TENM2: variants seen among roughly 807,000 people sequenced by gnomAD.
The protein encoded by TENM2 is teneurin-2.
Under a neutral mutation model 245.2 loss-of-function variants are expected in TENM2, and 52 were observed. That is an observed-to-expected ratio of 0.21 (90% CI 0.17 to 0.27). The LOEUF (loss-of-function observed/expected upper bound fraction) is 0.27. Among genes scored for constraint, TENM2 ranks in the 10% least tolerant of loss-of-function variants. TENM2 has a pLI of 1.00. For synonymous variants in TENM2, 1,363 were observed against 1,438.9 expected, an observed-to-expected ratio of 0.95 and a Z score of 1.19; for missense variants, 3,046 against 3,666.8, an observed-to-expected ratio of 0.83 and a Z score of 4.37.
chr5:167,809,460 A>G (rs1766468741), intron 2 of TENM2, among the ~76,000 whole-genome samples: 1 of 152,188 alleles, frequency 6.6e-6, no homozygotes, highest in African/African-American at 2.4e-5. Context: ...GTGAGAAGGT[A>G]GAGGGAATTC....
chr5:167,985,656 A>G (rs1024402482), intron 4 of TENM2, among the ~76,000 whole-genome samples: 2 of 152,090 alleles, frequency 1.3e-5, no homozygotes, highest in African/African-American at 4.8e-5. Context: ...AGGCAGCACA[A>G]TTATTTGTAT....
the TENM2 span, among the ~76,000 whole-genome samples, chr5:167,103,134 C>G: frequency 2.0e-5 from 3 of 152,162 alleles, no homozygotes; most frequent in South Asian, 6.2e-4. Context: ...AGTCAAAGAC[C>G]TTGTTCAAGT....
intron 25 of TENM2, among the ~76,000 whole-genome samples, chr5:168,235,955 A>G (rs901656861): frequency 3.9e-5 from 6 of 152,198 alleles, no homozygotes; most frequent in African/African-American, 1.2e-4. Flanking sequence ...TTTCCCAGGC[A>G]TGGAGTTGGG....
intron 2 of TENM2, among the ~76,000 whole-genome samples, chr5:167,552,607 C>T (rs1773024366): frequency 6.6e-6 from 1 of 152,182 alleles, no homozygotes; most frequent in South Asian, 2.1e-4. Flanking sequence ...ATGCTAATTA[C>T]CACTGGAGGC....
Position 167,964,063 on chromosome 5 carries a change from T to A in TENM2, c.947+11241T>A, listed in dbSNP as rs560939450. ...TAAGTAGTGTGTTACAGAATCCCTC[T>A]ACCCTCCACCTTCCTCCCAGCCTAT... On this transcript the variant is annotated intron_variant, in intron 4 of 28. Transcript: ENST00000518659. Among the ~76,000 whole-genome samples, 6 of 152,332 alleles carry A rather than the reference T, an allele frequency of 3.9e-5. No homozygotes were observed. The South Asian group carries it at 1.0e-3, about 26-fold the overall frequency.
chr5:167,703,012 CCTCT>C (rs1246861678), intron 2 of TENM2, among the ~76,000 whole-genome samples: 1 of 152,162 alleles, frequency 6.6e-6, no homozygotes, highest in Non-Finnish European at 1.5e-5. Flanking sequence ...AACCTCTCTC[CCTCT>C]GTCTCCCTCT....
At chr5:167,810,637 A>C (rs1434922483) in intron 2 of TENM2, among the ~76,000 whole-genome samples, 1 of 151,898 alleles carries the variant, frequency 6.6e-6, no homozygotes, top group Non-Finnish European at 1.5e-5. Context: ...AAAAAAGAAA[A>C]CTCTAATTAA....
At chr5:167,468,917 T>G (rs1766836898) in intron 2 of TENM2, among the ~76,000 whole-genome samples, 1 of 152,202 alleles carries the variant, frequency 6.6e-6, no homozygotes. Context: ...TCTATTGTAC[T>G]CAATTGAAGG....
intron 2 of TENM2, among the ~76,000 whole-genome samples, chr5:167,672,011 T>C (rs1431493883): frequency 6.6e-6 from 1 of 152,040 alleles, no homozygotes; most frequent in African/African-American, 2.4e-5. Context: ...CCTGTGAAAC[T>C]AGTGCTTGCA....
chr5:168,085,722 T>C (rs1384840743), intron 7 of TENM2, among the ~76,000 whole-genome samples: 2 of 152,174 alleles, frequency 1.3e-5, no homozygotes, highest in Non-Finnish European at 2.9e-5. Context: ...CAGAAAGAAA[T>C]GAACAGGCCC....
the TENM2 span, among the ~76,000 whole-genome samples, chr5:167,272,749 A>G: frequency 6.6e-6 from 1 of 152,136 alleles, no homozygotes; most frequent in Admixed American, 6.6e-5. Context: ...CTTTCTTGAT[A>G]CCATACATCC....
exon 29 of TENM2, chr5:168,262,653 G>C: frequency 6.2e-7 from 1 of 1,604,686 alleles, no homozygotes; most frequent in Non-Finnish European, 8.5e-7. Flanking sequence ...GAGGGGAGCC[G>C]CCTGTGGACT....
At chr5:168,262,025 T>C (rs1389404439) in intron 28 of TENM2, 24 bp from the exon 31 acceptor site, 1 of 1,603,374 alleles carries the variant, frequency 6.2e-7, no homozygotes, top group East Asian at 2.2e-5. Flanking sequence ...CTTCTCAGCT[T>C]TCTCTGTTTT....
intron 1 of TENM2, among the ~76,000 whole-genome samples, chr5:167,354,272 T>A (rs761990070): frequency 1.3e-5 from 2 of 152,188 alleles, no homozygotes; most frequent in Middle Eastern, 3.2e-3. Context: ...TTAAATTAGA[T>A]CTCTTGCTTT....
chr5:167,638,059 A>G (rs925383726), intron 2 of TENM2, among the ~76,000 whole-genome samples: 1 of 151,154 alleles, frequency 6.6e-6, no homozygotes, highest in Non-Finnish European at 1.5e-5. Flanking sequence ...ATAAAGTTCT[A>G]TGGTTTGGAC....
At chr5:167,188,384 T>C in the TENM2 span, among the ~76,000 whole-genome samples, 5 of 152,186 alleles carry the variant, frequency 3.3e-5, no homozygotes, top group Non-Finnish European at 7.4e-5. Context: ...GCACTTCTTT[T>C]TCCTCTTAAT....
chr5:167,408,307 T>C (rs1181680787), intron 2 of TENM2, among the ~76,000 whole-genome samples: 1 of 152,130 alleles, frequency 6.6e-6, no homozygotes, highest in African/African-American at 2.4e-5. Context: ...ATTGCTGTCT[T>C]TCAAGAATAT....
the TENM2 span, among the ~76,000 whole-genome samples, chr5:167,091,121 AT>A: frequency 7.3e-5 from 11 of 151,720 alleles, no homozygotes; most frequent in Admixed American, 3.9e-4. Flanking sequence ...TTTTTTGTGA[AT>A]TTTTTTTTAA....
chr5:167,961,169 A>G (rs1426730151), intron 4 of TENM2, among the ~76,000 whole-genome samples: 1 of 152,228 alleles, frequency 6.6e-6, no homozygotes, highest in African/African-American at 2.4e-5. Flanking sequence ...CAGCAGAATT[A>G]TAGGTTATTT....
Sources: allele counts gnomAD v4.1 joint callset (sites outside exome capture counted in the v4.1 genomes callset), GRCh38; gene constraint gnomAD v4.1.1; transcripts MANE v1.5; gene names NCBI Gene and HGNC (gene_info 2026-07-23, HGNC 2026-07-21).